The following NAALADL2 variants were observed in gnomAD, a reference collection of about 807,000 sequenced individuals.
NAALADL2 encodes inactive N-acetylated-alpha-linked acidic dipeptidase-like protein 2.
NAALADL2 carries 76 observed loss-of-function variants against 87.2 expected under a neutral mutation model. The observed-to-expected ratio is 0.87, with a 90% CI of 0.72 to 1.05. The LOEUF is 1.05. Ranked by LOEUF, NAALADL2 falls within the 50% of genes least tolerant of loss-of-function variation. The probability of loss-of-function intolerance (pLI) is 0.00; values close to 1 mark genes in which losing one functional copy is unlikely to be tolerated. For missense variants in NAALADL2, 1,089 were observed against 945.8 expected, an observed-to-expected ratio of 1.15 and a Z score of -1.99; for synonymous variants, 354 against 331.0, an observed-to-expected ratio of 1.07 and a Z score of -0.75.
chr3:174,676,385 A>T (rs1578511141), intron 2 of NAALADL2, among the ~76,000 whole-genome samples: 1 of 150,806 alleles, frequency 6.6e-6, no homozygotes, highest in South Asian at 2.1e-4. Flanking sequence ...TTTGGTTTTT[A>T]TCATAGCCAG....
chr3:175,786,623 C>A (rs1217610201), intron 13 of NAALADL2, among the ~76,000 whole-genome samples: 1 of 152,072 alleles, frequency 6.6e-6, no homozygotes, highest in Non-Finnish European at 1.5e-5. Flanking sequence ...CAAAGTTTGC[C>A]ACTTCTTTGC....
At chr3:174,714,481 C>T (rs62287770) in intron 2 of NAALADL2, among the ~76,000 whole-genome samples, 13,277 of 152,134 alleles carry the variant, frequency 0.087, 756 homozygotes, top group East Asian at 0.32. Flanking sequence ...TTTCATTGAG[C>T]AGTGGTTTGT....
At chr3:175,206,925 G>A (rs922514686) in intron 2 of NAALADL2, among the ~76,000 whole-genome samples, 1 of 152,056 alleles carries the variant, frequency 6.6e-6, no homozygotes, top group Admixed American at 6.6e-5. Context: ...TGATTATTGA[G>A]AGGACAAAGT....
intron 2 of NAALADL2, among the ~76,000 whole-genome samples, chr3:174,597,838 A>G (rs1430719188): frequency 6.6e-6 from 1 of 152,198 alleles, no homozygotes; most frequent in Non-Finnish European, 1.5e-5. Context: ...TGAATGCTGT[A>G]GTTGAGAATC....
rs1553799168 is a variant in NAALADL2 at position 175,173,309 on chromosome 3, A to AAAT, written c.546-60620_546-60619insTAA. Among the ~76,000 whole-genome samples, 329 of 139,944 alleles carry AAAT rather than the reference A, an allele frequency of 2.4e-3. 2 individuals carry two copies. The highest frequency in any genetic ancestry group is 7.1e-3 in the African/African-American group (268 of 37,728). 91.8% of individuals were successfully genotyped at this position (139,944 alleles called of 152,430 possible). ...TCCGTTTCAAAATAAATAAATAAAT[A>AAAT]AAATAAATAAATAAATAAATAAATA... is the stretch of plus-strand genomic sequence containing the variant. On this transcript the variant is annotated intron_variant, in intron 2 of 13. Coordinates refer to ENST00000454872, the MANE Select transcript of NAALADL2 (RefSeq NM_207015.3).
chr3:174,946,790 A>C (rs1257474410), intron 1 of NAALADL2, among the ~76,000 whole-genome samples: 3 of 152,196 alleles, frequency 2.0e-5, no homozygotes, highest in Admixed American at 2.0e-4. Flanking sequence ...GGTCTCTGAC[A>C]GTTCTAACGT....
chr3:174,711,039 A>C (rs1305425164), intron 2 of NAALADL2, among the ~76,000 whole-genome samples: 4 of 152,172 alleles, frequency 2.6e-5, no homozygotes, highest in African/African-American at 9.7e-5. Flanking sequence ...TTTTCAGTGC[A>C]ATTTATAAGA....
intron 1 of NAALADL2, among the ~76,000 whole-genome samples, chr3:175,009,455 C>G (rs1437509577): frequency 2.0e-5 from 3 of 152,050 alleles, no homozygotes; most frequent in Admixed American, 2.0e-4. Context: ...AAACAGGGAC[C>G]AAGTGATGTA....
chr3:174,670,583 A>C (rs1726437100), intron 2 of NAALADL2, among the ~76,000 whole-genome samples: 1 of 152,116 alleles, frequency 6.6e-6, no homozygotes. Flanking sequence ...TAAGCTCAAG[A>C]GGCAAGACAA....
chr3:175,364,426 G>A (rs1765339911), intron 5 of NAALADL2, among the ~76,000 whole-genome samples: 2 of 147,762 alleles, frequency 1.4e-5, no homozygotes, highest in Admixed American at 1.4e-4. Context: ...AGGTTCTGAG[G>A]AATTGATTTG....
intron 4 of NAALADL2, among the ~76,000 whole-genome samples, chr3:175,282,201 A>G (rs1202394410): frequency 6.6e-6 from 1 of 152,070 alleles, no homozygotes; most frequent in Admixed American, 6.6e-5. Context: ...CACTAATTAG[A>G]AAGCCCTAAA....
chr3:175,806,798 G>C lies in NAALADL2; in HGVS notation c.*3595G>C, dbSNP rs1754748875. On this transcript the variant is annotated 3_prime_UTR_variant, in exon 14 of 14. Transcript: ENST00000454872. ...TTCCAAAGCTAATAAAAATGATGAG[G>C]CATATTTCTCTTCTGGGCCCACTGT... The C allele has an allele frequency of 6.8e-6, 1 of 147,866 alleles. No homozygotes were observed. The highest frequency in any genetic ancestry group is 2.5e-5 in the African/African-American group (1 of 40,184). 9.2% of individuals were successfully genotyped at this position (147,866 alleles called of 1,614,324 possible). A position where few individuals can be genotyped will look rare whatever the true frequency, so the allele number is the denominator to read the frequency against.
intron 3 of NAALADL2, among the ~76,000 whole-genome samples, chr3:174,766,198 G>T (rs1713782080): frequency 6.6e-6 from 1 of 152,080 alleles, no homozygotes; most frequent in East Asian, 1.9e-4. Flanking sequence ...ATTCACTTCT[G>T]ATATCATGTT....
chr3:175,008,010 A>G (rs1749268632), intron 1 of NAALADL2, among the ~76,000 whole-genome samples: 2 of 152,090 alleles, frequency 1.3e-5, no homozygotes, highest in Non-Finnish European at 1.5e-5. Flanking sequence ...GAGATGATTC[A>G]TTTCCCGGGT....
chr3:174,744,088 T>TA lies in NAALADL2; in HGVS notation c.-9+6343dup, dbSNP rs1231442958. Among the ~76,000 whole-genome samples, 3 of 151,928 alleles carry TA rather than the reference T, an allele frequency of 2.0e-5. No homozygotes were observed. In the East Asian group the frequency reaches 5.8e-4, roughly 29 times the overall value. ...AGATAGATGAGTGTGGTAGGCAGAATAGTGGCCTCATAATGATGTTCAAGT... is the reference window on the plus strand; with the variant it reads ...AGATAGATGAGTGTGGTAGGCAGAATAAGTGGCCTCATAATGATGTTCAAGT... On this transcript the variant is annotated intron_variant, in intron 3 of 3. Coordinates refer to the NAALADL2 transcript ENST00000434257.
intron 5 of NAALADL2, among the ~76,000 whole-genome samples, chr3:175,419,742 T>C (rs1221164199): frequency 6.6e-6 from 1 of 151,938 alleles, no homozygotes. Flanking sequence ...CTGCTGAGTC[T>C]GGAATATAGA....
intron 1 of NAALADL2, among the ~76,000 whole-genome samples, chr3:175,085,965 A>G (rs1718822757): frequency 6.6e-6 from 1 of 152,206 alleles, no homozygotes; most frequent in African/African-American, 2.4e-5. Context: ...TTATAATTGT[A>G]AAGGATGATT....
At chr3:175,034,075 T>C (rs555303489) in intron 1 of NAALADL2, among the ~76,000 whole-genome samples, 1 of 152,292 alleles carries the variant, frequency 6.6e-6, no homozygotes, top group African/African-American at 2.4e-5. Context: ...TCCTTAATCT[T>C]CTTTCTCTCA....
At chr3:174,483,864 G>T (rs913167143) in intron 1 of NAALADL2, among the ~76,000 whole-genome samples, 1 of 151,944 alleles carries the variant, frequency 6.6e-6, no homozygotes, top group African/African-American at 2.4e-5. Flanking sequence ...AAGCCCAGGT[G>T]TAGTAGTATA....
Sources: allele counts gnomAD v4.1 joint callset (sites outside exome capture counted in the v4.1 genomes callset), GRCh38; gene constraint gnomAD v4.1.1; transcripts MANE v1.5; gene names NCBI Gene and HGNC (gene_info 2026-07-23, HGNC 2026-07-21).